Variants in CAP2 observed in about 807,000 individuals in gnomAD.
CAP2 encodes adenylyl cyclase-associated protein 2.
CAP2 carries 24 observed loss-of-function variants against 57.7 expected under a neutral mutation model. The ratio of observed to expected loss-of-function variants is 0.42; its 90% CI spans 0.30 to 0.58. The LOEUF (loss-of-function observed/expected upper bound fraction) is 0.58. Among genes scored for constraint, CAP2 ranks in the 20% least tolerant of loss-of-function variants. The probability of loss-of-function intolerance (pLI) is 0.22; values close to 1 mark genes in which losing one functional copy is unlikely to be tolerated. For synonymous variants in CAP2, 194 were observed against 207.2 expected, an observed-to-expected ratio of 0.94 and a Z score of 0.55; for missense variants, 501 against 590.3, an observed-to-expected ratio of 0.85 and a Z score of 1.57.
At chr6:17,543,654 C>A (rs1023476292) in intron 11 of CAP2, among the ~76,000 whole-genome samples, 1 of 150,100 alleles carries the variant, frequency 6.7e-6, no homozygotes, top group Non-Finnish European at 1.5e-5. Context: ...AAAGAAGGAG[C>A]CTTGCTCCCC....
chr6:17,405,849 T>G (rs1758950356), intron 1 of CAP2, among the ~76,000 whole-genome samples: 1 of 152,038 alleles, frequency 6.6e-6, no homozygotes, highest in African/African-American at 2.4e-5. Flanking sequence ...CAAGTGATCC[T>G]CCTGTCTCAG....
chr6:17,447,620 T>C (rs959866139), intron 3 of CAP2, among the ~76,000 whole-genome samples: 1 of 152,244 alleles, frequency 6.6e-6, no homozygotes, highest in Non-Finnish European at 1.5e-5. Flanking sequence ...TGCCCCAGCC[T>C]CCGGCGTAGC....
intron 3 of CAP2, among the ~76,000 whole-genome samples, chr6:17,433,981 C>T (rs1017996465): frequency 2.6e-5 from 4 of 152,096 alleles, no homozygotes; most frequent in African/African-American, 7.2e-5. Context: ...AACCAGACTT[C>T]GAAGGGCCAC....
chr6:17,533,334 A>C (rs1175984688), intron 7 of CAP2, among the ~76,000 whole-genome samples: 1 of 152,112 alleles, frequency 6.6e-6, no homozygotes. Context: ...TAGAGGAGGC[A>C]GCTGTTCCCA....
chr6:17,536,131 G>GT (rs1581604307), intron 7 of CAP2: 13 of 451,888 alleles, frequency 2.9e-5, no homozygotes, highest in South Asian at 1.7e-4. Context: ...CCTTCTCTCT[G>GT]TTTTTTCTTG....
intron 4 of CAP2, among the ~76,000 whole-genome samples, chr6:17,467,642 G>A (rs917491734): frequency 4.6e-5 from 7 of 152,066 alleles, no homozygotes; most frequent in Admixed American, 1.3e-4. Flanking sequence ...TCCTGCCTCA[G>A]CCTCCTGAGT....
intron 6 of CAP2, among the ~76,000 whole-genome samples, chr6:17,511,555 A>G (rs931601533): frequency 3.9e-5 from 6 of 151,984 alleles, no homozygotes; most frequent in African/African-American, 1.4e-4. Flanking sequence ...GGGTTCAAGC[A>G]GTTCTCCTGC....
intron 1 of CAP2, among the ~76,000 whole-genome samples, chr6:17,404,387 C>T (rs537366919): frequency 5.5e-4 from 84 of 152,126 alleles, no homozygotes; most frequent in Non-Finnish European, 1.0e-3. Context: ...GGGCAGATCA[C>T]GAGGTCAGGA....
chr6:17,537,842 G>A (rs752976730), intron 7 of CAP2, among the ~76,000 whole-genome samples: 33 of 152,080 alleles, frequency 2.2e-4, no homozygotes, highest in Middle Eastern at 3.2e-3. Context: ...GAGGCGGGTG[G>A]ATAATCTTGA....
At chr6:17,538,778 T>A (rs1181444963) in intron 7 of CAP2, among the ~76,000 whole-genome samples, 1 of 152,210 alleles carries the variant, frequency 6.6e-6, no homozygotes, top group Non-Finnish European at 1.5e-5. Context: ...AGAGTTTCTG[T>A]ATCTCTCTCT....
chr6:17,486,431 C>G (rs1761421358), intron 4 of CAP2, among the ~76,000 whole-genome samples: 1 of 151,868 alleles, frequency 6.6e-6, no homozygotes, highest in African/African-American at 2.4e-5. Flanking sequence ...CGACAAAACC[C>G]TGTCTCTACT....
At chr6:17,521,826 T>A (rs1762399346) in intron 7 of CAP2, among the ~76,000 whole-genome samples, 1 of 152,042 alleles carries the variant, frequency 6.6e-6, no homozygotes, top group Non-Finnish European at 1.5e-5. Context: ...TCAGGCCCCT[T>A]GATTGGGCGC....
intron 4 of CAP2, 106 bp from the exon 5 acceptor site, chr6:17,507,063 T>A: frequency 9.1e-7 from 1 of 1,096,354 alleles, no homozygotes; most frequent in East Asian, 2.3e-5. Context: ...TTAGACCCCT[T>A]AACAGACGGC....
chr6:17,550,302 T>C lies in CAP2; in HGVS notation c.1210-1162T>C, dbSNP rs551824668. Among the ~76,000 whole-genome samples the C allele has an allele frequency of 5.3e-5, 8 of 151,876 alleles. No individual in the cohort carries two copies. In the South Asian group the frequency reaches 1.7e-3, roughly 32 times the overall value. ...AAGACATCTAGAAATTACCAAAACA[T>C]TACTGCAGACACATTATTAAATATA... On this transcript the variant is annotated intron_variant, in intron 11 of 12. Transcript: ENST00000229922.
chr6:17,459,607 A>G (rs900390258), intron 3 of CAP2, among the ~76,000 whole-genome samples: 2 of 152,204 alleles, frequency 1.3e-5, no homozygotes, highest in Non-Finnish European at 2.9e-5. Context: ...AGAATTTAAC[A>G]AGATTATAAA....
At chr6:17,527,158 G>T (rs993893313) in intron 7 of CAP2, among the ~76,000 whole-genome samples, 1 of 152,054 alleles carries the variant, frequency 6.6e-6, no homozygotes, top group Non-Finnish European at 1.5e-5. Context: ...ATAGATAATT[G>T]GAGAAAGTAC....
At chr6:17,523,539 G>A (rs1415064523) in intron 7 of CAP2, among the ~76,000 whole-genome samples, 1 of 152,138 alleles carries the variant, frequency 6.6e-6, no homozygotes, top group Non-Finnish European at 1.5e-5. Flanking sequence ...AAGAGAGAGT[G>A]AGATCAAGGA....
intron 11 of CAP2, among the ~76,000 whole-genome samples, chr6:17,547,821 A>G (rs1044749663): frequency 3.4e-5 from 5 of 148,986 alleles, no homozygotes; most frequent in African/African-American, 1.2e-4. Flanking sequence ...AGCCTGGGCA[A>G]CAGAGTGAGA....
At position 17,513,832 on chromosome 6, in the gene CAP2, C is replaced by T. The variant is rs1308426014; in HGVS notation, c.531-17C>T. On this transcript the variant is annotated splice_polypyrimidine_tract_variant and intron_variant, in intron 6 of 12. Coordinates refer to ENST00000229922, the MANE Select transcript of CAP2 (RefSeq NM_006366.3). The surrounding 1 kb of genome is among the most constrained non-coding windows in gnomAD (Gnocchi z 4.3). ...AGATCCTAACTCTGCTTTCTTCAACCCTCTTTCACAACAAAGTGATTTGCG... is the reference window on the plus strand; with the variant it reads ...AGATCCTAACTCTGCTTTCTTCAACTCTCTTTCACAACAAAGTGATTTGCG... 6.4e-7 allele frequency: 1 copy of T among 1,550,460 alleles called. No individual in the cohort carries two copies. The highest frequency in any genetic ancestry group is 1.1e-5 in the South Asian group (1 of 89,838).
Sources: gnomAD v4.1 joint callset for allele counts (sites outside exome capture counted in the v4.1 genomes callset) on GRCh38, gnomAD v4.1.1 for gene constraint, Gnocchi (gnomAD v3.1) non-coding constraint, MANE v1.5 for transcripts, NCBI Gene and HGNC (gene_info 2026-07-23, HGNC 2026-07-21) for gene names.